SLF2: variants seen among roughly 807,000 people sequenced by gnomAD.
The protein encoded by SLF2 is SMC5-SMC6 complex localization factor protein 2.
A neutral mutation model predicts 124.3 loss-of-function variants in SLF2; 68 were observed. That is an observed-to-expected ratio of 0.55 (90% CI 0.45 to 0.67). SLF2 has a LOEUF of 0.67. SLF2 is among the 30% of genes least tolerant of loss of function. The probability of loss-of-function intolerance (pLI) is 0.00; values close to 1 mark genes in which losing one functional copy is unlikely to be tolerated. For synonymous variants in SLF2, 480 were observed against 478.8 expected, an observed-to-expected ratio of 1.00 and a Z score of -0.03; for missense variants, 1,246 against 1,373.7, an observed-to-expected ratio of 0.91 and a Z score of 1.47.
In SLF2 at chr10:100,962,039, A is replaced by T. The variant is rs1306707375; in HGVS notation, c.*127A>T. ...AATGTACAGCAAATGTGCCACTTGA[A>T]TATCTAGTATGAAGCTGGTAATGAA... On this transcript the variant is annotated 3_prime_UTR_variant, in exon 20 of 20. Coordinates refer to ENST00000238961, the MANE Select transcript of SLF2 (RefSeq NM_018121.4). 7 of 798,340 alleles carry T rather than the reference A, an allele frequency of 8.8e-6. No individual in the cohort carries two copies. The highest frequency in any genetic ancestry group is 1.4e-5 in the Non-Finnish European group (7 of 508,404). The allele number at this position is 798,340 out of a possible 1,614,324, so 49.5% of individuals were successfully genotyped here. A position where few individuals can be genotyped will look rare whatever the true frequency, so the allele number is the denominator to read the frequency against.
chr10:100,956,310 G>A, intron 17 of SLF2, 141 bp from the exon 18 acceptor site: 1 of 604,526 alleles, frequency 1.7e-6, no homozygotes, highest in Non-Finnish European at 2.9e-6. Context: ...TACAACTACT[G>A]TTACGTTGAA....
intron 8 of SLF2, among the ~76,000 whole-genome samples, chr10:100,930,299 T>A (rs1246600464): frequency 6.6e-6 from 1 of 152,174 alleles, no homozygotes; most frequent in Non-Finnish European, 1.5e-5. Context: ...AAGCAGGAAG[T>A]CCAGGGCTGG....
chr10:100,921,976 G>A (rs949297254), intron 4 of SLF2, among the ~76,000 whole-genome samples: 1 of 152,166 alleles, frequency 6.6e-6, no homozygotes, highest in East Asian at 1.9e-4. Flanking sequence ...AAGGGCATTT[G>A]TTAATTAGTT....
At chr10:100,936,648 G>A (rs976318840) in intron 9 of SLF2, among the ~76,000 whole-genome samples, 2 of 151,974 alleles carry the variant, frequency 1.3e-5, no homozygotes, top group Non-Finnish European at 2.9e-5. Flanking sequence ...ATATCTTACT[G>A]TTTTTATTAC....
At chr10:100,959,701 T>C in intron 19 of SLF2, 1 of 960,114 alleles carries the variant, frequency 1.0e-6, no homozygotes, top group Non-Finnish European at 1.4e-6. Context: ...CAGAAGTGGT[T>C]GAGCCCATTT....
At chr10:100,931,200 C>T in intron 9 of SLF2, 122 bp downstream of exon 9, 1 of 725,260 alleles carries the variant, frequency 1.4e-6, no homozygotes, top group Non-Finnish European at 2.3e-6. Context: ...TCCATGATGT[C>T]AGTGGCTTAG....
chr10:100,918,241 T>A (rs1849458392), intron 3 of SLF2, 143 bp from the exon 4 acceptor site: 1 of 431,468 alleles, frequency 2.3e-6, no homozygotes, highest in Non-Finnish European at 4.1e-6. Context: ...TTAAATATTT[T>A]ATTATAGACA....
intron 14 of SLF2, among the ~76,000 whole-genome samples, chr10:100,947,418 A>G (rs1850125332): frequency 6.6e-6 from 1 of 151,956 alleles, no homozygotes; most frequent in South Asian, 2.1e-4. Flanking sequence ...TTACCTTAAT[A>G]CAGATGACAT....
intron 11 of SLF2, among the ~76,000 whole-genome samples, chr10:100,942,044 AT>A (rs1453326786): frequency 2.6e-5 from 4 of 152,180 alleles, no homozygotes; most frequent in African/African-American, 9.7e-5. Flanking sequence ...GGGTAAAAAA[AT>A]GTTTCCTCTA....
chr10:100,925,798 C>T lies in SLF2; in HGVS notation c.1972-151C>T. 2 of 738,420 alleles carry T rather than the reference C, an allele frequency of 2.7e-6. 1 individual carries two copies. The highest frequency in any genetic ancestry group is 4.3e-6 in the Non-Finnish European group (2 of 470,384). 45.7% of individuals were successfully genotyped at this position (738,420 alleles called of 1,614,324 possible). ...GCAGTGCAAAATACTAGATTTAAAG[C>T]ATGATGGTGAAAATTATCCTTTAAG... On this transcript the variant is annotated intron_variant, in intron 5 of 19. Transcript: ENST00000238961.
chr10:100,928,003 G>A (rs560207306), intron 6 of SLF2, among the ~76,000 whole-genome samples: 1 of 135,326 alleles, frequency 7.4e-6, no homozygotes, highest in African/African-American at 2.7e-5. Context: ...TTACTCTTTT[G>A]AGGAAAAAGT....
chr10:100,938,476 C>A, intron 10 of SLF2, 119 bp from the exon 11 acceptor site: 1 of 913,586 alleles, frequency 1.1e-6, no homozygotes, highest in Non-Finnish European at 1.6e-6. Flanking sequence ...ATAAAATTAG[C>A]AGCTGTCATT....
At chr10:100,934,107 T>C (rs964403412) in intron 9 of SLF2, among the ~76,000 whole-genome samples, 1 of 152,240 alleles carries the variant, frequency 6.6e-6, no homozygotes, top group Non-Finnish European at 1.5e-5. Flanking sequence ...TGGTCAGTGT[T>C]TTCTAGAGTA....
intron 11 of SLF2, among the ~76,000 whole-genome samples, chr10:100,939,663 G>C (rs1328190628): frequency 1.3e-5 from 2 of 151,412 alleles, no homozygotes; most frequent in Non-Finnish European, 2.9e-5. Flanking sequence ...GGGTGACAGA[G>C]TGAGACTCCA....
At chr10:100,922,690 C>T (rs1849542968) in intron 4 of SLF2, among the ~76,000 whole-genome samples, 1 of 151,884 alleles carries the variant, frequency 6.6e-6, no homozygotes, top group South Asian at 2.1e-4. Context: ...TGGTCTTGAA[C>T]TCCTGGGCTC....
In SLF2 at chr10:100,924,377, A is replaced by G. The variant is rs1487361752; in HGVS notation, c.1376A>G (p.Asn459Ser). The change falls in exon 5 of 20, where the codon AAT becomes AGT. Residue 459 changes from asparagine to serine, a missense_variant. Asn to Ser is a conservative substitution (Grantham distance 46). Transcript: ENST00000238961. The part of the protein sequence containing the change: ...AIKKASNLQK[N>S]KTASSTTKEK... ...AAAAAAGCTAGCAACCTTCAGAAAA[A>G]TAAAACCGCTAGCTCCACGACAAAG... 2 of 1,613,958 alleles carry G rather than the reference A, an allele frequency of 1.2e-6. No homozygotes were observed. Among genetic ancestry groups the G allele is most frequent in the Non-Finnish European group, 1.7e-6 (2 of 1,179,982 alleles).
At chr10:100,945,870 AGTT>A (rs1850095385) in intron 13 of SLF2, among the ~76,000 whole-genome samples, 2 of 152,234 alleles carry the variant, frequency 1.3e-5, no homozygotes, top group Admixed American at 1.3e-4. Context: ...GTCAGGTAGT[AGTT>A]AAGTACTACA....
In SLF2 at chr10:100,962,761, G is replaced by A. The variant is rs1477733016; in HGVS notation, c.*849G>A. On this transcript the variant is annotated 3_prime_UTR_variant, in exon 20 of 20. Transcript: ENST00000238961. ...TATATTGTAAAAGCCTAAAGATCTG[G>A]ACAAGTTTCCAACAACCTTGTTTCC... 6.6e-6 allele frequency: 1 copy of A among 152,482 alleles called. No homozygotes were observed. The highest frequency in any genetic ancestry group is 1.5e-5 in the Non-Finnish European group (1 of 68,036). 9.4% of individuals were successfully genotyped at this position (152,482 alleles called of 1,614,324 possible).
chr10:100,917,404 C>A, intron 3 of SLF2, 104 bp downstream of exon 3: 1 of 1,290,908 alleles, frequency 7.7e-7, no homozygotes, highest in Non-Finnish European at 1.0e-6. Flanking sequence ...GACGTCTTTC[C>A]TGAAGGAAAT....
Sources: gnomAD v4.1 joint callset for allele counts (sites outside exome capture counted in the v4.1 genomes callset) on GRCh38, gnomAD v4.1.1 for gene constraint, MANE v1.5 for transcripts, NCBI Gene and HGNC (gene_info 2026-07-23, HGNC 2026-07-21) for gene names.